SETSIP: variants seen among roughly 807,000 people sequenced by gnomAD.
SETSIP encodes the protein protein SETSIP.
A neutral mutation model predicts 21.9 loss-of-function variants in SETSIP; 15 were observed. The observed-to-expected ratio is 0.69, with a 90% CI of 0.46 to 1.06. The LOEUF is 1.06. SETSIP is among the 50% of genes least tolerant of loss of function. SETSIP has a pLI of 0.00. For synonymous variants in SETSIP, 101 were observed against 121.2 expected (o/e 0.83, Z 1.09); for missense variants, 310 against 337.4 (o/e 0.92, Z 0.64).
exon 1 of SETSIP, chr1:92,075,363 T>C: frequency 1.2e-6 from 2 of 1,608,862 alleles, no homozygotes; most frequent in East Asian, 4.5e-5. Flanking sequence ...GGAGGTGGTC[T>C]TGGTTTCTTC....
exon 1 of SETSIP, chr1:92,075,020 A>C: frequency 1.2e-6 from 2 of 1,611,856 alleles, no homozygotes; most frequent in East Asian, 2.2e-5. Context: ...ACCTGATTTA[A>C]TATCTTCAAA....
chr1:92,074,539 A>T, exon 1 of SETSIP: 21 of 1,576,394 alleles, frequency 1.3e-5, no homozygotes, highest in Non-Finnish European at 1.8e-5. Flanking sequence ...TCTATTAGTC[A>T]TCTTCTCCTT....
At chr1:92,074,733 G>A (rs1647804013) in exon 1 of SETSIP, 1 of 1,607,138 alleles carries the variant, frequency 6.2e-7, no homozygotes. Flanking sequence ...AATGGGTTTG[G>A]CCAAATATCA....
exon 1 of SETSIP, chr1:92,074,919 A>G: frequency 7.4e-6 from 12 of 1,611,808 alleles, no homozygotes; most frequent in Non-Finnish European, 1.0e-5. Flanking sequence ...GACTTTGAAG[A>G]TGGATCACCA....
chr1:92,074,868 G>T, exon 1 of SETSIP: 1 of 1,611,530 alleles, frequency 6.2e-7, no homozygotes. Flanking sequence ...TGACTTGAAC[G>T]TTTCGTCACA....
At chr1:92,074,867 C>A in exon 1 of SETSIP, 3 of 1,611,616 alleles carry the variant, frequency 1.9e-6, no homozygotes, top group Non-Finnish European at 2.5e-6. Flanking sequence ...TTGACTTGAA[C>A]GTTTCGTCAC....
rs936805786 is a variant in SETSIP, at chr1:92,075,270, T to C, written c.142A>G (p.Ile48Val). 2.5e-5 allele frequency: 41 copies of C among 1,611,896 alleles called. No individual in the cohort carries two copies. The Middle Eastern group carries it at 6.7e-4, about 26-fold the overall frequency. The change falls in exon 1 of 1, where the codon ATT becomes GTT. Residue 48 changes from isoleucine to valine, a missense_variant. Ile to Val is a conservative substitution (Grantham distance 29). Coordinates refer to ENST00000596516, the Ensembl canonical transcript of SETSIP. ...TCTATTTCATTTTGTACTTCATCAATGTGTTCAATTGCTTCTTGCTGTTCT... is the reference window on the plus strand; with the variant it reads ...TCTATTTCATTTTGTACTTCATCAACGTGTTCAATTGCTTCTTGCTGTTCT...
chr1:92,074,821 C>T, exon 1 of SETSIP: 10 of 1,611,472 alleles, frequency 6.2e-6, no homozygotes, highest in Non-Finnish European at 8.5e-6. Flanking sequence ...TCTCTGGTTC[C>T]TCATGCTGCC....
exon 1 of SETSIP, chr1:92,075,005 C>A: frequency 3.7e-6 from 6 of 1,611,690 alleles, no homozygotes; most frequent in Non-Finnish European, 5.1e-6. Flanking sequence ...AAAATCTATT[C>A]TGTAACCTGA....
exon 1 of SETSIP, chr1:92,075,255 T>A (rs1239789592): frequency 3.1e-6 from 5 of 1,611,886 alleles, no homozygotes; most frequent in Non-Finnish European, 4.2e-6. Context: ...TCTATTTCAT[T>A]TTGTACTTCA....
chr1:92,075,196 T>G lies in SETSIP; in HGVS notation c.216A>C (p.Lys72Asn). 1.9e-6 allele frequency: 3 copies of G among 1,611,846 alleles called. No homozygotes were observed. In the Admixed American group the frequency reaches 5.0e-5, roughly 27 times the overall value. The change falls in exon 1 of 1, where the codon AAA becomes AAC. Residue 72 changes from lysine (K) to asparagine (N), a missense_variant. Coordinates refer to ENST00000596516, the Ensembl canonical transcript of SETSIP. ...AAAATGGTTGGCGGAGTTTGTTATATTTCTGTTCTACTTTCAAAATCTCCT... is the reference window on the plus strand; with the variant it reads ...AAAATGGTTGGCGGAGTTTGTTATAGTTCTGTTCTACTTTCAAAATCTCCT...
Position 92,074,796 on chromosome 1 carries a change from A to G in SETSIP, c.616T>C (p.Phe206Leu). 3 of 1,611,398 alleles carry G rather than the reference A, an allele frequency of 1.9e-6. No homozygotes were observed. In the South Asian group the frequency reaches 3.3e-5, roughly 18 times the overall value. The change falls in exon 1 of 1, where the codon TTT becomes CTT. Residue 206 changes from phenylalanine (F) to leucine (L), a missense_variant. By Grantham distance (22) the Phe-to-Leu change is conservative (BLOSUM62 0). Coordinates refer to ENST00000596516, the Ensembl canonical transcript of SETSIP. The stretch of plus-strand genomic sequence containing the variant: ...GCACCTGCATCAGAATGATCAGTAA[A>G]CCAGGTAAAGAAGCTCTCTGGTTCC...
exon 1 of SETSIP, chr1:92,075,393 A>G: frequency 6.3e-7 from 1 of 1,592,856 alleles, no homozygotes; most frequent in Non-Finnish European, 8.5e-7. Context: ...GGGAGTGGAG[A>G]CTGGCGTTTA....
At chr1:92,074,961 C>T in exon 1 of SETSIP, 2 of 1,611,462 alleles carry the variant, frequency 1.2e-6, no homozygotes, top group Non-Finnish European at 1.7e-6. Flanking sequence ...TTGGAGAAAA[C>T]TTTATTTTCA....
chr1:92,074,993 T>C lies in SETSIP; in HGVS notation c.419A>G (p.Tyr140Cys), dbSNP rs149960696. 7.6e-4 allele frequency: 1,220 copies of C among 1,611,370 alleles called. 12 individuals are homozygous for C. In the African/African-American group the frequency reaches 0.013, roughly 17 times the overall value. The change falls in exon 1 of 1, where the codon TAT becomes TGT. Residue 140 changes from tyrosine (Y) to cysteine (C), a missense_variant. Transcript: ENST00000596516. ...TTCAAAGTAAGGATTTTCATCAAAA[T>C]AAAAATCTATTCTGTAACCTGATTT...
chr1:92,075,271 G>A (rs1647814172), exon 1 of SETSIP: 4 of 1,611,842 alleles, frequency 2.5e-6, no homozygotes, highest in Non-Finnish European at 2.5e-6. Flanking sequence ...CTTCATCAAT[G>A]TGTTCAATTG....
At chr1:92,075,072 C>G in exon 1 of SETSIP, 1 of 1,611,902 alleles carries the variant, frequency 6.2e-7, no homozygotes, top group Non-Finnish European at 8.5e-7. Context: ...AGTGCCTCTT[C>G]GTCCTCCTCC....
chr1:92,074,808 A>C (rs1385972500), exon 1 of SETSIP: 2 of 1,611,416 alleles, frequency 1.2e-6, no homozygotes, highest in East Asian at 4.5e-5. Flanking sequence ...CAGGTAAAGA[A>C]GCTCTCTGGT....
chr1:92,075,174 A>T, exon 1 of SETSIP: 5 of 1,611,852 alleles, frequency 3.1e-6, no homozygotes, highest in Non-Finnish European at 4.2e-6. Flanking sequence ...TTCTGAAAAA[A>T]TGGTTGGCGG....
Sources: gnomAD v4.1 joint callset for allele counts on GRCh38, gnomAD v4.1.1 for gene constraint, MANE v1.5 for transcripts, NCBI Gene and HGNC (gene_info 2026-07-23, HGNC 2026-07-21) for gene names.